The following USH2A variants were observed in gnomAD, a reference collection of about 807,000 sequenced individuals.
USH2A encodes Usher syndrome 2A (autosomal recessive, mild).
A neutral mutation model predicts 538.9 loss-of-function variants in USH2A; 443 were observed. The observed-to-expected ratio is 0.82, with a 90% CI of 0.76 to 0.89. USH2A has a LOEUF of 0.89. USH2A is among the 40% of genes least tolerant of loss of function. The pLI is 0.00. For missense variants in USH2A, 6,633 were observed against 6,324.8 expected, an observed-to-expected ratio of 1.05 and a Z score of -1.65; for synonymous variants, 2,413 against 2,273.5, an observed-to-expected ratio of 1.06 and a Z score of -1.75.
intron 11 of USH2A, among the ~76,000 whole-genome samples, chr1:216,273,106 G>T (rs925188889): frequency 6.6e-6 from 1 of 152,090 alleles, no homozygotes; most frequent in Non-Finnish European, 1.5e-5. Flanking sequence ...CACACCACCA[G>T]CAGTCACAAA....
intron 61 of USH2A, among the ~76,000 whole-genome samples, chr1:215,690,633 C>A (rs755887164): frequency 6.6e-6 from 1 of 152,102 alleles, no homozygotes; most frequent in South Asian, 2.1e-4. Context: ...TTCTGATGTA[C>A]CTAGAAAAGC....
intron 30 of USH2A, 72 bp downstream of exon 30, chr1:216,070,029 A>G: frequency 6.5e-7 from 1 of 1,543,988 alleles, no homozygotes; most frequent in Non-Finnish European, 8.9e-7. Context: ...AAACATTTGC[A>G]GAAGATTTTT....
Position 215,719,105 on chromosome 1 carries a change from T to C in USH2A, c.12066+8925A>G, listed in dbSNP as rs145042787. Among the ~76,000 whole-genome samples, 142 of 152,288 alleles carry C rather than the reference T, an allele frequency of 9.3e-4. 1 individual carries two copies. Among genetic ancestry groups the C allele is most frequent in the South Asian group, 7.7e-3 (37 of 4,824 alleles). On this transcript the variant is annotated intron_variant, in intron 61 of 71. Coordinates refer to ENST00000307340, the MANE Select transcript of USH2A (RefSeq NM_206933.4). ...CATAGGGGAAGTAGGTAGATGCCAA[T>C]TTGGCAGAATCCATTTGTATGATTT...
At chr1:216,113,520 T>C (rs1240553822) in intron 21 of USH2A, among the ~76,000 whole-genome samples, 1 of 152,152 alleles carries the variant, frequency 6.6e-6, no homozygotes, top group Non-Finnish European at 1.5e-5. Flanking sequence ...TGAAATCTTA[T>C]TCTAGTTTTA....
chr1:215,747,940 G>GGACTGCA (rs544376441), intron 58 of USH2A, among the ~76,000 whole-genome samples: 1 of 150,052 alleles, frequency 6.7e-6, no homozygotes, highest in Non-Finnish European at 1.5e-5. Context: ...GCCGGACTGC[G>GGACTGCA]GACTGCAGTG....
chr1:216,291,930 A>C (rs545751555), intron 10 of USH2A, among the ~76,000 whole-genome samples: 1 of 152,272 alleles, frequency 6.6e-6, no homozygotes, highest in East Asian at 1.9e-4. Flanking sequence ...AACAAAACAA[A>C]ACAAAACAAC....
intron 6 of USH2A, among the ~76,000 whole-genome samples, chr1:216,324,556 AGGAT>A (rs1255388961): frequency 1.3e-5 from 2 of 152,162 alleles, no homozygotes; most frequent in East Asian, 1.9e-4. Context: ...CATTTGCTCA[AGGAT>A]TTTATAAATC....
chr1:216,326,289 T>C (rs2037733639), intron 5 of USH2A, among the ~76,000 whole-genome samples: 1 of 152,210 alleles, frequency 6.6e-6, no homozygotes, highest in Non-Finnish European at 1.5e-5. Flanking sequence ...TTCTTCCACA[T>C]AGCACCTTCC....
chr1:216,347,462 A>C (rs1387263783), intron 4 of USH2A, among the ~76,000 whole-genome samples: 1 of 152,138 alleles, frequency 6.6e-6, no homozygotes, highest in Non-Finnish European at 1.5e-5. Flanking sequence ...TTCTGACCTA[A>C]TTAATCTCTT....
At chr1:216,183,806 AT>A (rs1180327574) in intron 20 of USH2A, among the ~76,000 whole-genome samples, 7 of 152,052 alleles carry the variant, frequency 4.6e-5, no homozygotes, top group Non-Finnish European at 1.0e-4. Context: ...TTTCAGTTAT[AT>A]TGCAAATGAA....
intron 55 of USH2A, among the ~76,000 whole-genome samples, chr1:215,778,560 T>C (rs1443815262): frequency 6.6e-6 from 1 of 152,208 alleles, no homozygotes; most frequent in African/African-American, 2.4e-5. Context: ...CCTGTGTAAG[T>C]GTAACCTGTG....
At chr1:215,864,622 T>G (rs988061370) in intron 44 of USH2A, among the ~76,000 whole-genome samples, 1 of 152,196 alleles carries the variant, frequency 6.6e-6, no homozygotes, top group South Asian at 2.1e-4. Flanking sequence ...ATTATCTTTA[T>G]GTATAATTCT....
chr1:216,062,978 A>G (rs1275286655), intron 30 of USH2A, among the ~76,000 whole-genome samples: 1 of 152,216 alleles, frequency 6.6e-6, no homozygotes, highest in Non-Finnish European at 1.5e-5. Flanking sequence ...ACGCTAACTA[A>G]TAAAGCGAAA....
chr1:215,907,535 G>A (rs1214832039), intron 38 of USH2A, among the ~76,000 whole-genome samples: 1 of 151,950 alleles, frequency 6.6e-6, no homozygotes, highest in Non-Finnish European at 1.5e-5. Context: ...TTGTGTGTTT[G>A]GGCCACAGCC....
rs377253624 is a variant in USH2A, at chr1:216,161,269, C to G, written c.4627+13983G>C. ...ATTTGCTCTTTGTTTCTGGCTTCTT[C>G]TTGCCACCCTCAAACTCCTTTATCA... On this transcript the variant is annotated intron_variant, in intron 21 of 71. Coordinates refer to ENST00000307340, the MANE Select transcript of USH2A (RefSeq NM_206933.4). Among the ~76,000 whole-genome samples, 109 of 152,136 alleles carry G rather than the reference C, an allele frequency of 7.2e-4. 2 individuals are homozygous for G. In the East Asian group the frequency reaches 8.1e-3, roughly 11 times the overall value.
intron 4 of USH2A, among the ~76,000 whole-genome samples, chr1:216,357,534 C>T (rs1215595647): frequency 6.6e-6 from 1 of 152,046 alleles, no homozygotes; most frequent in Non-Finnish European, 1.5e-5. Context: ...ACGTTGAAAA[C>T]ACAGAAAGGA....
Position 215,670,984 on chromosome 1 carries a change from C to A in USH2A, c.14121G>T (p.Glu4707Asp). The A allele has an allele frequency of 1.2e-6, 2 of 1,614,140 alleles. No homozygotes were observed. The highest frequency in any genetic ancestry group is 1.7e-6 in the Non-Finnish European group (2 of 1,179,996). Residue 4707 changes from glutamate (E) to aspartate (D), a missense_variant, in exon 64 of 72, where the codon GAG becomes GAT. Coordinates refer to ENST00000307340, the MANE Select transcript of USH2A (RefSeq NM_206933.4). ...ACACATTTCTTACCTGATACTCATA[C>A]TCTGTGAAAGGCAATAGTTCGGAAT... ...FIDSELLPFT[E>D]YEYQVWAVNS...
intron 61 of USH2A, among the ~76,000 whole-genome samples, chr1:215,701,466 G>A (rs192933087): frequency 6.6e-6 from 1 of 152,246 alleles, no homozygotes; most frequent in Non-Finnish European, 1.5e-5. Context: ...TCTCTTTGCA[G>A]GTCTCTAAGA....
At position 215,999,077 on chromosome 1, in the gene USH2A, A is replaced by C; in HGVS notation, c.6486-19T>G. ...TTTCCACCTGGGAATGGTAAAATACATTATTATCATTCATTCAAGTCAAAA... is the reference window on the plus strand; with the variant it reads ...TTTCCACCTGGGAATGGTAAAATACCTTATTATCATTCATTCAAGTCAAAA... On this transcript the variant is annotated intron_variant, in intron 33 of 71. Coordinates refer to ENST00000307340, the MANE Select transcript of USH2A (RefSeq NM_206933.4). The C allele has an allele frequency of 6.3e-7, 1 of 1,596,820 alleles. No homozygotes were observed. The highest frequency in any genetic ancestry group is 1.1e-5 in the South Asian group (1 of 90,356).
Sources: allele counts gnomAD v4.1 joint callset (sites outside exome capture counted in the v4.1 genomes callset), GRCh38; gene constraint gnomAD v4.1.1; transcripts MANE v1.5; gene names NCBI Gene and HGNC (gene_info 2026-07-23, HGNC 2026-07-21).